PTPRD: variants seen among roughly 807,000 people sequenced by gnomAD.
PTPRD encodes the protein receptor-type tyrosine-protein phosphatase delta.
PTPRD carries 34 observed loss-of-function variants against 214.5 expected under a neutral mutation model. The observed-to-expected ratio is 0.16, with a 90% CI of 0.12 to 0.21. PTPRD has a LOEUF of 0.21. Ranked by LOEUF, PTPRD falls within the 10% of genes least tolerant of loss-of-function variation. The probability of loss-of-function intolerance (pLI) is 1.00; values close to 1 mark genes in which losing one functional copy is unlikely to be tolerated. For missense variants in PTPRD, 2,545 were observed against 2,398.7 expected, an observed-to-expected ratio of 1.06 and a Z score of -1.27; for synonymous variants, 1,128 against 845.7, an observed-to-expected ratio of 1.33 and a Z score of -5.79.
chr9:9,398,970 G>C (rs1286754648), intron 8 of PTPRD, among the ~76,000 whole-genome samples: 1 of 151,922 alleles, frequency 6.6e-6, no homozygotes, highest in Non-Finnish European at 1.5e-5. Context: ...GAAGCATACA[G>C]GTGTATTACA....
At chr9:9,174,087 AAT>A (rs2099923149) in intron 10 of PTPRD, among the ~76,000 whole-genome samples, 1 of 152,192 alleles carries the variant, frequency 6.6e-6, no homozygotes, top group South Asian at 2.1e-4. Flanking sequence ...TGCATGAAAA[AAT>A]AGTTTGAACT....
intron 8 of PTPRD, among the ~76,000 whole-genome samples, chr9:9,431,034 A>G (rs2082891129): frequency 6.6e-6 from 1 of 152,218 alleles, no homozygotes; most frequent in Non-Finnish European, 1.5e-5. Flanking sequence ...AATGGCAACA[A>G]AAGCCAAAAT....
intron 2 of PTPRD, among the ~76,000 whole-genome samples, chr9:10,609,191 C>T (rs891421364): frequency 6.6e-6 from 1 of 151,930 alleles, no homozygotes; most frequent in Non-Finnish European, 1.5e-5. Context: ...TTATTTGCTG[C>T]ATTAAATGTG....
chr9:8,566,078 A>C (rs1281070447), intron 14 of PTPRD, among the ~76,000 whole-genome samples: 1 of 148,824 alleles, frequency 6.7e-6, no homozygotes, highest in African/African-American at 2.5e-5. Context: ...TCCGCTGAAA[A>C]GATATATACT....
intron 11 of PTPRD, among the ~76,000 whole-genome samples, chr9:8,992,307 T>G (rs1438084371): frequency 6.6e-6 from 1 of 152,178 alleles, no homozygotes; most frequent in Non-Finnish European, 1.5e-5. Flanking sequence ...ATTCTTGAAA[T>G]CTTGCTGATA....
At chr9:10,108,897 C>T (rs1487093689) in intron 3 of PTPRD, among the ~76,000 whole-genome samples, 1 of 151,156 alleles carries the variant, frequency 6.6e-6, no homozygotes, top group African/African-American at 2.4e-5. Context: ...TTCAGCATAA[C>T]TTATTCCATA....
At chr9:9,250,868 T>G (rs950915969) in intron 9 of PTPRD, among the ~76,000 whole-genome samples, 1 of 152,102 alleles carries the variant, frequency 6.6e-6, no homozygotes, top group East Asian at 1.9e-4. Flanking sequence ...AAAAGTCTTT[T>G]TATTTATTTA....
chr9:10,448,208 T>A (rs1398415186), intron 2 of PTPRD, among the ~76,000 whole-genome samples: 2 of 152,040 alleles, frequency 1.3e-5, no homozygotes. Context: ...ATTCCTAACT[T>A]AAGGTTTTGA....
chr9:8,836,763 A>AT (rs1032641486), intron 11 of PTPRD, among the ~76,000 whole-genome samples: 4 of 150,834 alleles, frequency 2.7e-5, no homozygotes, highest in Non-Finnish European at 5.9e-5. Context: ...TGTCCAGCTA[A>AT]TTTTTTGTAT....
chr9:9,939,523 A>C (rs1292366694), intron 4 of PTPRD, among the ~76,000 whole-genome samples: 2 of 152,252 alleles, frequency 1.3e-5, no homozygotes, highest in Admixed American at 6.5e-5. Context: ...GCTTATCTGA[A>C]TCTTCAAAAC....
intron 4 of PTPRD, among the ~76,000 whole-genome samples, chr9:10,003,993 T>C (rs550568885): frequency 4.0e-5 from 6 of 151,864 alleles, no homozygotes; most frequent in African/African-American, 1.2e-4. Flanking sequence ...AAGATTGGAA[T>C]TGAGAAACTT....
rs577060450 is a variant in PTPRD at position 8,398,665 on chromosome 9, T to C, written c.4210+5872A>G. Among the ~76,000 whole-genome samples, 3 of 152,206 alleles carry C rather than the reference T, an allele frequency of 2.0e-5. No homozygotes were observed. In the East Asian group the frequency reaches 5.8e-4, roughly 30 times the overall value. On this transcript the variant is annotated intron_variant, in intron 36 of 45. Coordinates refer to ENST00000381196, the MANE Select transcript of PTPRD (RefSeq NM_002839.4). ...GATCCTTATAAAAAAGCTTGAAAGA[T>C]TAAGTTTGCCCTTTTTCTATCGTTT... is the stretch of plus-strand genomic sequence containing the variant.
At chr9:9,695,032 A>T (rs1213942816) in intron 7 of PTPRD, among the ~76,000 whole-genome samples, 1 of 152,132 alleles carries the variant, frequency 6.6e-6, no homozygotes, top group Non-Finnish European at 1.5e-5. Flanking sequence ...AACAGAAGGA[A>T]TCATTCACTG....
At chr9:9,349,681 T>G (rs2050343959) in intron 9 of PTPRD, among the ~76,000 whole-genome samples, 1 of 151,708 alleles carries the variant, frequency 6.6e-6, no homozygotes, top group Admixed American at 6.6e-5. Context: ...ACTCATCACC[T>G]CCAGTGATAA....
chr9:8,863,007 G>A lies in PTPRD; in HGVS notation c.-103-129061C>T, dbSNP rs796814964. 4.2e-4 allele frequency among the ~76,000 whole-genome samples: 64 copies of A among 152,182 alleles called. 2 individuals are homozygous for A. Among genetic ancestry groups the A allele is most frequent in the African/African-American group, 1.5e-3 (63 of 41,504 alleles). On this transcript the variant is annotated intron_variant, in intron 11 of 45. Coordinates refer to ENST00000381196, the MANE Select transcript of PTPRD (RefSeq NM_002839.4). ...GGTGCAGCGCACCAGCATGGCACAT[G>A]TATACGTATGTAACTAACCTGCACA...
intron 43 of PTPRD, among the ~76,000 whole-genome samples, chr9:8,338,218 C>G (rs1322419614): frequency 1.3e-5 from 2 of 152,070 alleles, no homozygotes; most frequent in Non-Finnish European, 2.9e-5. Flanking sequence ...CCTGGTCTCC[C>G]TTAAGATGTG....
intron 2 of PTPRD, among the ~76,000 whole-genome samples, chr9:10,469,143 T>G (rs1456065681): frequency 6.6e-6 from 1 of 151,728 alleles, no homozygotes; most frequent in Non-Finnish European, 1.5e-5. Flanking sequence ...GCAAAAGAGT[T>G]ATACCAATCC....
chr9:8,701,140 G>A (rs761414428), intron 12 of PTPRD, among the ~76,000 whole-genome samples: 11 of 151,460 alleles, frequency 7.3e-5, no homozygotes, highest in Admixed American at 2.0e-4. Context: ...CAGCCTGGAC[G>A]ACAAAGCAAG....
At chr9:9,787,728 A>G (rs2098935715) in intron 5 of PTPRD, among the ~76,000 whole-genome samples, 1 of 151,774 alleles carries the variant, frequency 6.6e-6, no homozygotes, top group Non-Finnish European at 1.5e-5. Context: ...GAAATGACAA[A>G]CAGTAGAAAA....
Sources: allele counts gnomAD v4.1 joint callset (sites outside exome capture counted in the v4.1 genomes callset), GRCh38; gene constraint gnomAD v4.1.1; transcripts MANE v1.5; gene names NCBI Gene and HGNC (gene_info 2026-07-23, HGNC 2026-07-21).